The following POLN variants were observed in gnomAD, a reference collection of about 807,000 sequenced individuals.
POLN encodes the protein DNA polymerase N.
A neutral mutation model predicts 113.5 loss-of-function variants in POLN; 108 were observed. That is an observed-to-expected ratio of 0.95 (90% confidence interval 0.81 to 1.12). The LOEUF (loss-of-function observed/expected upper bound fraction) is 1.12, where lower values mean the gene tolerates loss of function less well. Ranked by LOEUF, POLN falls within the 50% of genes most tolerant of loss-of-function variation. The pLI is 0.00. For synonymous variants in POLN, 386 were observed against 391.5 expected, an observed-to-expected ratio of 0.99 and a Z score of 0.17; for missense variants, 1,097 against 1,077.1, an observed-to-expected ratio of 1.02 and a Z score of -0.26.
In POLN at chr4:2,229,143, G is replaced by A. The variant is rs201278233; in HGVS notation, c.89C>T (p.Ser30Leu). 5.0e-6 allele frequency: 8 copies of A among 1,611,090 alleles called. No homozygotes were observed. In the African/African-American group the frequency reaches 5.3e-5, roughly 11 times the overall value. Residue 30 changes from serine (S) to leucine (L), a missense_variant, in exon 3 of 26, where the codon TCA (serine) becomes TTA (leucine). Physicochemically the swap from Ser to Leu is moderately radical, Grantham distance 145. Transcript: ENST00000511885. Reference sequence around the variant, plus strand: ...AGTCTTAGAATCCACTAAATCACCTGAATGCATAGCAGACATAATCTTCTG... The same window carrying A: ...AGTCTTAGAATCCACTAAATCACCTAAATGCATAGCAGACATAATCTTCTG... ...VAQKIMSAMH[S>L]GDLVDSKTWG...
rs147342911 is a variant in POLN, at chr4:2,105,804, GTGATGATGA to G, written c.1983-9880_1983-9872del. Among the ~76,000 whole-genome samples the G allele has an allele frequency of 9.2e-3, 1,333 of 144,900 alleles. 22 individuals carry two copies. Among genetic ancestry groups the G allele is most frequent in the East Asian group, 0.027 (132 of 4,876 alleles). ...AGGAGCCCACTCTCCCAGACAAATA[GTGATGATGA>G]TGATGATGATGATGATGATGATGAT... On this transcript the variant is annotated intron_variant, in intron 19 of 25. Coordinates refer to ENST00000511885, the MANE Select transcript of POLN (RefSeq NM_181808.4).
In POLN at chr4:2,197,131, C is replaced by T. The variant is rs527411488; in HGVS notation, c.908+1393G>A. ...AGAAGCAGTGATGTGGGGTTTTCCT[C>T]AGAGTGAAGCACGAGCTGTTTGAGG... On this transcript the variant is annotated intron_variant, in intron 6 of 25. Coordinates refer to ENST00000511885, the MANE Select transcript of POLN (RefSeq NM_181808.4). Among the ~76,000 whole-genome samples, 21 of 152,288 alleles carry T rather than the reference C, an allele frequency of 1.4e-4. No homozygotes were observed. The South Asian group carries it at 4.4e-3, about 32-fold the overall frequency.
chr4:2,188,071 A>G (rs1577753659), intron 7 of POLN, among the ~76,000 whole-genome samples: 1 of 152,172 alleles, frequency 6.6e-6, no homozygotes, highest in Non-Finnish European at 1.5e-5. Flanking sequence ...AGCTATGATC[A>G]CACCACTGCA....
chr4:2,209,767 T>A (rs969346275), intron 4 of POLN, among the ~76,000 whole-genome samples: 1 of 142,260 alleles, frequency 7.0e-6, no homozygotes, highest in African/African-American at 2.6e-5. Context: ...GCTCAAGTAA[T>A]CCTCCCACCT....
At position 2,159,231 on chromosome 4, in the gene POLN, C is replaced by T; in HGVS notation, c.1555-20G>A. 6.4e-7 allele frequency: 1 copy of T among 1,565,800 alleles called. No individual in the cohort carries two copies. Among genetic ancestry groups the T allele is most frequent in the South Asian group, 1.1e-5 (1 of 88,288 alleles). ...ATTTAACTAAACATGAAAATAGATA[C>T]TACCAATGTAATTCGTCCATTTTAA... is the stretch of plus-strand genomic sequence containing the variant. On this transcript the variant is annotated intron_variant, in intron 13 of 25. Transcript: ENST00000511885.
intron 16 of POLN, among the ~76,000 whole-genome samples, chr4:2,135,930 AT>A (rs1427630169): frequency 6.6e-6 from 1 of 152,222 alleles, no homozygotes; most frequent in Non-Finnish European, 1.5e-5. Context: ...TAGACTCCCC[AT>A]TACTCTCCTC....
intron 19 of POLN, among the ~76,000 whole-genome samples, chr4:2,097,913 G>GT (rs1437859130): frequency 6.6e-6 from 1 of 152,220 alleles, no homozygotes; most frequent in Non-Finnish European, 1.5e-5. Context: ...ATTTTTCAAT[G>GT]TTTCTTTGGG....
chr4:2,085,883 C>T, intron 20 of POLN, 139 bp from the exon 21 acceptor site: 1 of 1,143,626 alleles, frequency 8.7e-7, no homozygotes, highest in Non-Finnish European at 1.2e-6. Context: ...ACTTTACAAG[C>T]CAGGTGCTAG....
chr4:2,165,628 TC>T (rs1237267093), intron 13 of POLN, among the ~76,000 whole-genome samples: 4 of 152,180 alleles, frequency 2.6e-5, no homozygotes, highest in Non-Finnish European at 5.9e-5. Flanking sequence ...CAGTGTGGGT[TC>T]ACTGACTGTA....
intron 20 of POLN, chr4:2,090,595 C>A: frequency 4.5e-6 from 2 of 449,156 alleles, no homozygotes; most frequent in South Asian, 2.5e-5. Context: ...GTCACAGCCT[C>A]GAACATTCCG....
chr4:2,148,653 C>T (rs866849522), intron 16 of POLN, among the ~76,000 whole-genome samples: 1 of 128,362 alleles, frequency 7.8e-6, no homozygotes, highest in Non-Finnish European at 1.7e-5. Flanking sequence ...GGCGACAGAG[C>T]GAGACTCTGT....
chr4:2,193,182 G>C lies in POLN; in HGVS notation c.1021+22C>G. ...CACAGTTGAAGAGTTAAATTATAGA[G>C]AGAATAAAAAATATAACTTACCATG... is the stretch of plus-strand genomic sequence containing the variant. On this transcript the variant is annotated intron_variant, in intron 7 of 25. Coordinates refer to ENST00000511885, the MANE Select transcript of POLN (RefSeq NM_181808.4). 4 of 1,516,678 alleles carry C rather than the reference G, an allele frequency of 2.6e-6. No homozygotes were observed. In the South Asian group the frequency reaches 4.6e-5, roughly 17 times the overall value. The allele number at this position is 1,516,678 out of a possible 1,614,324, so 94.0% of individuals were successfully genotyped here.
chr4:2,183,450 A>G (rs534397917), intron 7 of POLN, among the ~76,000 whole-genome samples: 1 of 152,366 alleles, frequency 6.6e-6, no homozygotes, highest in East Asian at 1.9e-4. Flanking sequence ...TTCAGCCATA[A>G]AAAGGAATAA....
intron 13 of POLN, among the ~76,000 whole-genome samples, chr4:2,162,585 T>G (rs985528205): frequency 1.3e-5 from 2 of 152,018 alleles, no homozygotes; most frequent in Admixed American, 1.3e-4. Context: ...ACCTCCAGAG[T>G]AGCTGGGACT....
rs1176421383 is a variant in POLN at position 2,126,434 on chromosome 4, A to C, written c.1982+1679T>G. Among the ~76,000 whole-genome samples, 1 of 152,222 alleles carries C rather than the reference A, an allele frequency of 6.6e-6. No homozygotes were observed. The highest frequency in any genetic ancestry group is 1.5e-5 in the Non-Finnish European group (1 of 68,048). ...TCATTTATTTGACAAATCCTTTGTG[A>C]GTCCCCACCCTTTGTGGAGCACAGT... is the stretch of plus-strand genomic sequence containing the variant. On this transcript the variant is annotated intron_variant, in intron 19 of 25. Coordinates refer to ENST00000511885, the MANE Select transcript of POLN (RefSeq NM_181808.4). This position sits in a 1 kb window ranked among gnomAD's most constrained non-coding sequence, Gnocchi z 4.6.
chr4:2,086,485 A>C (rs1045874798), intron 20 of POLN, among the ~76,000 whole-genome samples: 1 of 151,992 alleles, frequency 6.6e-6, no homozygotes, highest in African/African-American at 2.4e-5. Context: ...TCTTCACTGT[A>C]TATTAGGAAC....
intron 13 of POLN, among the ~76,000 whole-genome samples, chr4:2,159,889 T>C (rs901802041): frequency 2.8e-5 from 4 of 140,952 alleles, no homozygotes; most frequent in Admixed American, 1.4e-4. Flanking sequence ...CCATTCCACC[T>C]TTGATGGATA....
intron 6 of POLN, among the ~76,000 whole-genome samples, chr4:2,196,008 C>T (rs1733564213): frequency 6.6e-6 from 1 of 152,174 alleles, no homozygotes; most frequent in African/African-American, 2.4e-5. Flanking sequence ...GAACCCACTG[C>T]TCCCTCTCAG....
At chr4:2,238,382 A>G (rs1197921305) in intron 2 of POLN, among the ~76,000 whole-genome samples, 1 of 152,106 alleles carries the variant, frequency 6.6e-6, no homozygotes, top group Admixed American at 6.6e-5. Flanking sequence ...CATCCACTTA[A>G]GCTATAAAGT....
Sources: allele counts gnomAD v4.1 joint callset (sites outside exome capture counted in the v4.1 genomes callset), GRCh38; gene constraint gnomAD v4.1.1; non-coding constraint Gnocchi (gnomAD v3.1); transcripts MANE v1.5; gene names NCBI Gene and HGNC (gene_info 2026-07-23, HGNC 2026-07-21).